LRBA: variants seen among roughly 807,000 people sequenced by gnomAD.
LRBA encodes LPS responsive beige-like anchor protein.
LRBA carries 176 observed loss-of-function variants against 330.0 expected under a neutral mutation model. The observed-to-expected ratio is 0.53, with a 90% CI of 0.47 to 0.60. The LOEUF (loss-of-function observed/expected upper bound fraction) is 0.60, where lower values mean the gene tolerates loss of function less well. LRBA is among the 20% of genes least tolerant of loss of function. The pLI is 0.00. For missense variants in LRBA, 3,259 were observed against 3,444.8 expected (o/e 0.95, Z 1.35); for synonymous variants, 1,230 against 1,193.0 (o/e 1.03, Z -0.64).
chr4:150,815,815 A>G (rs1470048109), intron 31 of LRBA, among the ~76,000 whole-genome samples: 1 of 151,964 alleles, frequency 6.6e-6, no homozygotes, highest in Non-Finnish European at 1.5e-5. Flanking sequence ...AAGAAGGTAG[A>G]TAAGTCACTT....
chr4:150,371,181 A>ATTTTTTTTTTTTTTTTTTTTTTT (rs1274384749), intron 47 of LRBA, among the ~76,000 whole-genome samples: 1 of 136,754 alleles, frequency 7.3e-6, no homozygotes, highest in African/African-American at 3.2e-5. Context: ...CAAGCTACTA[A>ATTTTTTTTTTTTTTTTTTTTTTT]ATTTTTTTTT....
intron 48 of LRBA, among the ~76,000 whole-genome samples, chr4:150,329,830 T>A (rs1394042590): frequency 6.6e-6 from 1 of 152,196 alleles, no homozygotes; most frequent in Non-Finnish European, 1.5e-5. Flanking sequence ...GTCTACATTT[T>A]AAAAATTTTA....
chr4:150,691,798 C>A (rs1251160045), intron 36 of LRBA, among the ~76,000 whole-genome samples: 1 of 151,944 alleles, frequency 6.6e-6, no homozygotes, highest in Non-Finnish European at 1.5e-5. Context: ...TGAAAACAAC[C>A]CAATGTCTGC....
intron 42 of LRBA, among the ~76,000 whole-genome samples, chr4:150,479,816 T>C (rs145306595): frequency 6.6e-6 from 1 of 152,218 alleles, no homozygotes; most frequent in East Asian, 1.9e-4. Context: ...CAGTAACAGA[T>C]GGAAAAACTG....
chr4:150,298,944 AT>A (rs1729307739), intron 53 of LRBA, among the ~76,000 whole-genome samples: 2 of 152,104 alleles, frequency 1.3e-5, no homozygotes, highest in Admixed American at 6.6e-5. Context: ...TAAACATTTA[AT>A]TTTTTAAATC....
intron 31 of LRBA, among the ~76,000 whole-genome samples, chr4:150,810,462 A>G (rs542510522): frequency 3.9e-5 from 6 of 152,262 alleles, no homozygotes; most frequent in East Asian, 1.9e-4. Flanking sequence ...TATTGCTTAC[A>G]GTCCTGCCTT....
At chr4:150,806,211 T>C (rs1742768638) in intron 33 of LRBA, 60 bp downstream of exon 33, 3 of 1,245,472 alleles carry the variant, frequency 2.4e-6, no homozygotes, top group South Asian at 3.5e-5. Flanking sequence ...TCATTATCCA[T>C]GTAAGTTTTT....
chr4:150,421,345 T>G (rs1748767477), intron 46 of LRBA, among the ~76,000 whole-genome samples: 1 of 146,106 alleles, frequency 6.8e-6, no homozygotes, highest in Admixed American at 7.0e-5. Flanking sequence ...TTTATGTATA[T>G]ATTTATATAT....
intron 34 of LRBA, among the ~76,000 whole-genome samples, chr4:150,769,421 A>G (rs1245346056): frequency 6.6e-6 from 1 of 152,204 alleles, no homozygotes; most frequent in Non-Finnish European, 1.5e-5. Flanking sequence ...ACAAGTGCCA[A>G]TATCTACAGG....
At chr4:150,491,456 G>T (rs1360328488) in intron 40 of LRBA, among the ~76,000 whole-genome samples, 1 of 151,912 alleles carries the variant, frequency 6.6e-6, no homozygotes, top group Non-Finnish European at 1.5e-5. Context: ...ATTATAATTT[G>T]CCCAATAATG....
intron 46 of LRBA, among the ~76,000 whole-genome samples, chr4:150,416,091 C>T (rs7686589): frequency 0.4 from 60,715 of 151,886 alleles, 12,547 homozygotes; most frequent in South Asian, 0.48. Context: ...CATTTCAAAA[C>T]GGTCAAGTTT....
At chr4:150,682,166 T>C (rs565176923) in intron 37 of LRBA, among the ~76,000 whole-genome samples, 1 of 152,210 alleles carries the variant, frequency 6.6e-6, no homozygotes, top group Non-Finnish European at 1.5e-5. Context: ...TGTCAGGCAC[T>C]ATGCATCAGA....
At chr4:150,758,959 G>A (rs1219154491) in intron 35 of LRBA, among the ~76,000 whole-genome samples, 1 of 151,688 alleles carries the variant, frequency 6.6e-6, no homozygotes, top group Non-Finnish European at 1.5e-5. Flanking sequence ...CTATCTCCCA[G>A]GCTACATTGT....
chr4:150,622,477 C>A (rs1328237837), intron 37 of LRBA, among the ~76,000 whole-genome samples: 1 of 152,134 alleles, frequency 6.6e-6, no homozygotes, highest in Non-Finnish European at 1.5e-5. Context: ...TTTCATGCTG[C>A]AGTGAGCTAC....
In LRBA at chr4:150,456,115, C is replaced by T. The variant is rs562599777; in HGVS notation, c.6780+11558G>A. ...GCTTCCAAATCTTGGTTATTGTGAA[C>T]GGTGCTGCCAACAAACTTGGGAGTG... On this transcript the variant is annotated intron_variant, in intron 44 of 56. Coordinates refer to ENST00000651943, the MANE Select transcript of LRBA (RefSeq NM_001364905.1). Among the ~76,000 whole-genome samples the T allele has an allele frequency of 7.9e-5, 12 of 152,162 alleles. No individual in the cohort carries two copies. In the South Asian group the frequency reaches 1.2e-3, roughly 16 times the overall value.
At chr4:150,431,855 G>A (rs1239897080) in intron 46 of LRBA, among the ~76,000 whole-genome samples, 3 of 151,902 alleles carry the variant, frequency 2.0e-5, no homozygotes, top group African/African-American at 7.3e-5. Context: ...CAATGATGCA[G>A]AGAAATACAA....
intron 14 of LRBA, among the ~76,000 whole-genome samples, chr4:150,899,281 G>A (rs1226785749): frequency 6.6e-6 from 1 of 152,164 alleles, no homozygotes; most frequent in Non-Finnish European, 1.5e-5. Context: ...TGTTACGGAT[G>A]TGAAAGGGGA....
At chr4:150,615,625 A>C (rs1775699495) in intron 37 of LRBA, among the ~76,000 whole-genome samples, 1 of 152,162 alleles carries the variant, frequency 6.6e-6, no homozygotes, top group South Asian at 2.1e-4. Flanking sequence ...AGAATGTGAG[A>C]GGAATAGGTT....
intron 34 of LRBA, among the ~76,000 whole-genome samples, chr4:150,767,585 C>A (rs1582288621): frequency 6.6e-6 from 1 of 151,378 alleles, no homozygotes; most frequent in African/African-American, 2.4e-5. Context: ...CGGTGAAATC[C>A]CATCTCTACT....
Sources: gnomAD v4.1 joint callset for allele counts (sites outside exome capture counted in the v4.1 genomes callset) on GRCh38, gnomAD v4.1.1 for gene constraint, MANE v1.5 for transcripts, NCBI Gene and HGNC (gene_info 2026-07-23, HGNC 2026-07-21) for gene names.